The following DRGX variants were observed in gnomAD, a reference collection of about 807,000 sequenced individuals.
DRGX encodes the protein dorsal root ganglia homeobox protein.
Under a neutral mutation model 28.6 loss-of-function variants are expected in DRGX, and 21 were observed. That is an observed-to-expected ratio of 0.73 (90% confidence interval 0.52 to 1.06). The LOEUF (loss-of-function observed/expected upper bound fraction) is 1.06. Ranked by LOEUF, DRGX falls within the 50% of genes least tolerant of loss-of-function variation. DRGX has a pLI of 0.00. For missense variants in DRGX, 354 were observed against 343.9 expected, an observed-to-expected ratio of 1.03 and a Z score of -0.23; for synonymous variants, 136 against 139.1, an observed-to-expected ratio of 0.98 and a Z score of 0.16.
chr10:49,366,568 C>T (rs1849604415), intron 6 of DRGX, among the ~76,000 whole-genome samples, 187 bp from the exon 7 acceptor site: 1 of 152,220 alleles, frequency 6.6e-6, no homozygotes, highest in Non-Finnish European at 1.5e-5. Flanking sequence ...GTTAATCGTT[C>T]AAAGGATTGT....
At chr10:49,392,483 C>T (rs1416632313) in intron 2 of DRGX, among the ~76,000 whole-genome samples, 2 of 152,214 alleles carry the variant, frequency 1.3e-5, no homozygotes, top group Non-Finnish European at 2.9e-5. Context: ...TCATTGGAAA[C>T]TTAAAAGAAA....
At chr10:49,366,426 G>C in intron 6 of DRGX, 45 bp from the exon 7 acceptor site, 2 of 1,545,358 alleles carry the variant, frequency 1.3e-6, no homozygotes, top group Non-Finnish European at 1.8e-6. Flanking sequence ...TCTACTTTCT[G>C]CCTCTCAGGG....
At chr10:49,376,389 C>T (rs558948826) in intron 6 of DRGX, among the ~76,000 whole-genome samples, 3 of 152,268 alleles carry the variant, frequency 2.0e-5, no homozygotes, top group African/African-American at 7.2e-5. Flanking sequence ...CAGTAACAAG[C>T]CAGGAGCCCT....
intron 6 of DRGX, among the ~76,000 whole-genome samples, chr10:49,385,059 G>A (rs1362095128): frequency 6.6e-6 from 1 of 152,132 alleles, no homozygotes. Flanking sequence ...GTAATCTTCT[G>A]GATCCCCCTT....
At chr10:49,383,127 G>C (rs1048847488) in intron 6 of DRGX, among the ~76,000 whole-genome samples, 1 of 152,176 alleles carries the variant, frequency 6.6e-6, no homozygotes, top group Non-Finnish European at 1.5e-5. Context: ...TCCCACAATG[G>C]AGCCAGGCAC....
chr10:49,384,466 C>G (rs1320449919), intron 6 of DRGX, among the ~76,000 whole-genome samples: 1 of 152,178 alleles, frequency 6.6e-6, no homozygotes. Flanking sequence ...GGCCCTGCAC[C>G]TCCCAAGATC....
intron 6 of DRGX, among the ~76,000 whole-genome samples, 174 bp from the exon 7 acceptor site, chr10:49,366,555 C>T (rs1386023932): frequency 2.6e-5 from 4 of 152,186 alleles, no homozygotes; most frequent in African/African-American, 9.7e-5. Flanking sequence ...AATAAGGGAC[C>T]TAGTTAATCG....
In DRGX at chr10:49,386,744, T is replaced by C. The variant is rs1849844291; in HGVS notation, c.349A>G (p.Ile117Val). Reference sequence around the variant, plus strand: ...TGGTCCCCAGGGGGCGGGGAGTTGATGTTTCTCACTGGAGGAGGTGTCACC... The same window carrying C: ...TGGTCCCCAGGGGGCGGGGAGTTGACGTTTCTCACTGGAGGAGGTGTCACC... Reference protein sequence around the residue: ...AEVTPPPVRNINSPPPGDQAR... With the variant: ...AEVTPPPVRNVNSPPPGDQAR... The change falls in exon 5 of 7, where the codon ATC becomes GTC. Residue 117 changes from isoleucine to valine, a missense_variant. Physicochemically the swap from Ile to Val is conservative, Grantham distance 29. Coordinates refer to ENST00000374139, the MANE Select transcript of DRGX (RefSeq NM_001276451.2). The C allele has an allele frequency of 1.2e-6, 2 of 1,608,550 alleles. No individual in the cohort carries two copies. The highest frequency in any genetic ancestry group is 1.7e-6 in the Non-Finnish European group (2 of 1,177,336).
intron 6 of DRGX, among the ~76,000 whole-genome samples, chr10:49,373,584 G>T (rs1849683063): frequency 6.6e-6 from 1 of 152,102 alleles, no homozygotes; most frequent in South Asian, 2.1e-4. Context: ...ACCCCAGAGG[G>T]TTGCCCTGTC....
intron 6 of DRGX, among the ~76,000 whole-genome samples, chr10:49,368,171 G>A (rs1849618872): frequency 1.3e-5 from 2 of 152,178 alleles, no homozygotes; most frequent in Non-Finnish European, 2.9e-5. Flanking sequence ...TGTAGGCGTG[G>A]TTCATCCCCC....
At chr10:49,391,415 TC>T in intron 2 of DRGX, 154 bp from the exon 3 acceptor site, 2 of 643,302 alleles carry the variant, frequency 3.1e-6, no homozygotes, top group Non-Finnish European at 5.6e-6. Flanking sequence ...TAAATCCTCC[TC>T]TTTTCCACTC....
chr10:49,392,121 T>C (rs1849913208), intron 2 of DRGX, among the ~76,000 whole-genome samples: 1 of 152,264 alleles, frequency 6.6e-6, no homozygotes, highest in Admixed American at 6.5e-5. Flanking sequence ...GTGCTCTATT[T>C]ACTTGATAGT....
intron 2 of DRGX, among the ~76,000 whole-genome samples, chr10:49,392,291 A>C (rs1849914892): frequency 6.6e-6 from 1 of 152,220 alleles, no homozygotes; most frequent in African/African-American, 2.4e-5. Context: ...CAAAGATTGA[A>C]AGTCCTTTGG....
intron 6 of DRGX, among the ~76,000 whole-genome samples, chr10:49,381,081 G>T (rs932484076): frequency 3.9e-5 from 6 of 152,220 alleles, no homozygotes; most frequent in African/African-American, 1.2e-4. Context: ...AAGAACTACG[G>T]TTCACACCAG....
intron 3 of DRGX, 114 bp from the exon 4 acceptor site, chr10:49,390,348 G>A (rs1590371005): frequency 1.1e-5 from 10 of 880,976 alleles, no homozygotes; most frequent in Admixed American, 2.9e-5. Context: ...AGATTAAATC[G>A]AGGAAGGACA....
intron 6 of DRGX, among the ~76,000 whole-genome samples, chr10:49,379,199 T>G (rs1849747798): frequency 6.6e-6 from 1 of 152,234 alleles, no homozygotes; most frequent in Non-Finnish European, 1.5e-5. Context: ...TCAGAATGCC[T>G]ACTTCAGTGG....
At chr10:49,370,555 C>G (rs1471797199) in intron 6 of DRGX, among the ~76,000 whole-genome samples, 2 of 152,212 alleles carry the variant, frequency 1.3e-5, no homozygotes, top group East Asian at 3.8e-4. Flanking sequence ...ACAGCCACAC[C>G]TAGGAATGTG....
At position 49,395,457 on chromosome 10, in the gene DRGX, G is replaced by A; in HGVS notation, c.-17C>T. On this transcript the variant is annotated 5_prime_UTR_variant, in exon 2 of 7. Coordinates refer to ENST00000374139, the MANE Select transcript of DRGX (RefSeq NM_001276451.2). ...ATAAAACATCGCCGGCTGTCAGATC[G>A]GCTGGACGGCCGAGACCTGGGAGGG... is the stretch of plus-strand genomic sequence containing the variant. 1 of 1,549,986 alleles carries A rather than the reference G, an allele frequency of 6.5e-7. No individual in the cohort carries two copies.
At chr10:49,392,586 A>G (rs1277831421) in intron 2 of DRGX, among the ~76,000 whole-genome samples, 1 of 152,208 alleles carries the variant, frequency 6.6e-6, no homozygotes, top group African/African-American at 2.4e-5. Flanking sequence ...ATGGAACACA[A>G]TCTCTGAGGA....
Sources: allele counts gnomAD v4.1 joint callset (sites outside exome capture counted in the v4.1 genomes callset), GRCh38; gene constraint gnomAD v4.1.1; transcripts MANE v1.5; gene names NCBI Gene and HGNC (gene_info 2026-07-23, HGNC 2026-07-21).